Variants in CLPX observed in about 807,000 individuals in gnomAD.
CLPX encodes the protein ATP-dependent clpX-like chaperone, mitochondrial.
In CLPX, 34 loss-of-function variants were observed where a neutral mutation model predicts 76.4. The ratio of observed to expected loss-of-function variants is 0.45; its 90% CI spans 0.34 to 0.59. The LOEUF is 0.59. CLPX is among the 20% of genes least tolerant of loss of function. CLPX has a pLI of 0.01. For synonymous variants in CLPX, 248 were observed against 270.9 expected (o/e 0.92, Z 0.83); for missense variants, 613 against 757.0 (o/e 0.81, Z 2.23).
rs1284409175 is a variant in CLPX, at chr15:65,168,520, T to G, written c.359-1735A>C. 2.1e-5 allele frequency among the ~76,000 whole-genome samples: 3 copies of G among 144,514 alleles called. No homozygotes were observed. In the East Asian group the frequency reaches 6.2e-4, roughly 30 times the overall value. The allele number at this position is 144,514 out of a possible 152,430, so 94.8% of individuals were successfully genotyped here. A position where few individuals can be genotyped will look rare whatever the true frequency, so the allele number is the denominator to read the frequency against. On this transcript the variant is annotated intron_variant, in intron 3 of 13. Transcript: ENST00000300107. ...AGGACAGAAAACCAAACACCGCATG[T>G]TCTCACTCATAGATGGGAACTGAAC...
At chr15:65,174,025 G>A (rs2088051471) in intron 3 of CLPX, among the ~76,000 whole-genome samples, 1 of 152,158 alleles carries the variant, frequency 6.6e-6, no homozygotes, top group Admixed American at 6.5e-5. Context: ...GCCCAGGCTG[G>A]AGTGCAGTGG....
At chr15:65,158,136 G>A in intron 7 of CLPX, 1 of 398,392 alleles carries the variant, frequency 2.5e-6, no homozygotes, top group Non-Finnish European at 4.4e-6. Context: ...GGGCTTAAGT[G>A]ATCCTCCTGC....
intron 3 of CLPX, among the ~76,000 whole-genome samples, chr15:65,178,575 T>C (rs2088119965): frequency 6.6e-6 from 1 of 152,160 alleles, no homozygotes; most frequent in South Asian, 2.1e-4. Flanking sequence ...TATATATATT[T>C]CTTTTTTTTG....
intron 11 of CLPX, 137 bp downstream of exon 11, chr15:65,154,645 T>C: frequency 1.5e-6 from 1 of 647,340 alleles, no homozygotes; most frequent in Middle Eastern, 4.2e-4. Context: ...CTTCCTTGAT[T>C]CCTAGATCCA....
At position 65,161,379 on chromosome 15, in the gene CLPX, T is replaced by A. The variant is rs140549079; in HGVS notation, c.715+1225A>T. Among the ~76,000 whole-genome samples the A allele has an allele frequency of 5.7e-3, 872 of 152,316 alleles. 5 individuals carry two copies. Among genetic ancestry groups the A allele is most frequent in the Middle Eastern group, 0.014 (4 of 294 alleles). ...TTGGTCTAAAACCCTAGACCAGTGTTAGGGTCTAACACCCCCAGCCAGTGT... is the reference window on the plus strand; with the variant it reads ...TTGGTCTAAAACCCTAGACCAGTGTAAGGGTCTAACACCCCCAGCCAGTGT... On this transcript the variant is annotated intron_variant, in intron 6 of 13. Coordinates refer to ENST00000300107, the MANE Select transcript of CLPX (RefSeq NM_006660.5).
chr15:65,158,745 AGC>A lies in CLPX; in HGVS notation c.720_721del (p.Leu240PhefsTer7). 1.3e-6 allele frequency: 2 copies of A among 1,572,500 alleles called. No homozygotes were observed. The highest frequency in any genetic ancestry group is 1.9e-5 in the Admixed American group (1 of 53,202). ...ATGTGGGCTAATTCCAGCAATCTGA[AGC>A]AATTCTGAAAAAAATGCCAAAGGAA... On this transcript the variant is annotated frameshift_variant, in exon 7 of 14. Coordinates refer to ENST00000300107, the MANE Select transcript of CLPX (RefSeq NM_006660.5). LOFTEE classifies it high-confidence loss of function.
At chr15:65,168,383 C>CAGA (rs2087948890) in intron 3 of CLPX, among the ~76,000 whole-genome samples, 1 of 35,666 alleles carries the variant, frequency 2.8e-5, no homozygotes. Context: ...GACTCTGTCT[C>CAGA]AAAAAAAAAA....
intron 4 of CLPX, among the ~76,000 whole-genome samples, chr15:65,166,056 T>TG (rs2087908279): frequency 5.3e-5 from 8 of 152,154 alleles, no homozygotes; most frequent in Admixed American, 5.2e-4. Context: ...ATGGAGCTGG[T>TG]GGTACATTCT....
intron 5 of CLPX, 24 bp from the exon 6 acceptor site, chr15:65,162,669 AC>A: frequency 6.9e-7 from 1 of 1,442,658 alleles, no homozygotes; most frequent in Non-Finnish European, 9.7e-7. Context: ...TGAAAATATT[AC>A]ATATTTGTTT....
Position 65,163,950 on chromosome 15 carries a change from G to A in CLPX, c.673+79C>T. 4.6e-6 allele frequency: 6 copies of A among 1,304,608 alleles called. No individual in the cohort carries two copies. The South Asian group carries it at 6.4e-5, about 14-fold the overall frequency. 80.8% of individuals were successfully genotyped at this position (1,304,608 alleles called of 1,614,324 possible). ...CCACACTATATAAAAAACATTTTAA[G>A]AAGAAAGTGAGGAGTTACAAATAAA... On this transcript the variant is annotated intron_variant, in intron 5 of 13. Coordinates refer to ENST00000300107, the MANE Select transcript of CLPX (RefSeq NM_006660.5).
intron 3 of CLPX, among the ~76,000 whole-genome samples, chr15:65,172,745 C>A (rs1244439467): frequency 6.6e-6 from 1 of 152,132 alleles, no homozygotes; most frequent in Non-Finnish European, 1.5e-5. Context: ...TAGGGAAATG[C>A]AAATCAAAAC....
At chr15:65,156,733 G>A (rs148867817) in intron 9 of CLPX, 111 bp downstream of exon 9, 8 of 615,634 alleles carry the variant, frequency 1.3e-5, no homozygotes, top group African/African-American at 7.4e-5. Context: ...GTTTGGGGGC[G>A]GAAGAAATAA....
intron 3 of CLPX, among the ~76,000 whole-genome samples, chr15:65,175,781 A>C (rs562431504): frequency 6.6e-6 from 1 of 152,276 alleles, no homozygotes; most frequent in African/African-American, 2.4e-5. Context: ...AGATCAAATA[A>C]AACTCTCTTT....
At chr15:65,175,672 GAGCATTTCCTTTA>G (rs1378598369) in intron 3 of CLPX, among the ~76,000 whole-genome samples, 7 of 152,052 alleles carry the variant, frequency 4.6e-5, no homozygotes, top group Non-Finnish European at 8.8e-5. Flanking sequence ...TGCTCCAATG[GAGCATTTCCTTTA>G]AGCGTCATGA....
At chr15:65,166,891 TAG>T in intron 3 of CLPX, 106 bp from the exon 4 acceptor site, 1 of 1,099,718 alleles carries the variant, frequency 9.1e-7, no homozygotes, top group Non-Finnish European at 1.3e-6. Context: ...TGACAAAAAG[TAG>T]ACTTGCTGTT....
chr15:65,163,922 A>C, intron 5 of CLPX, 107 bp downstream of exon 5: 2 of 1,074,032 alleles, frequency 1.9e-6, no homozygotes, highest in South Asian at 2.8e-5. Flanking sequence ...ACTTTGAAAA[A>C]TGCCACACTA....
Position 65,185,301 on chromosome 15 carries a change from C to T in CLPX, c.-148G>A. 1.6e-6 allele frequency: 1 copy of T among 624,672 alleles called. No individual in the cohort carries two copies. The highest frequency in any genetic ancestry group is 2.9e-5 in the Admixed American group (1 of 34,552). 38.7% of individuals were successfully genotyped at this position (624,672 alleles called of 1,614,324 possible). Reference sequence around the variant, plus strand: ...AGAGTTCACCTGCCCGGCAGCCAGGCCTTCACGCTTCTCTGCCCCACAGCC... The same window carrying T: ...AGAGTTCACCTGCCCGGCAGCCAGGTCTTCACGCTTCTCTGCCCCACAGCC... On this transcript the variant is annotated 5_prime_UTR_variant, in exon 1 of 14. Coordinates refer to ENST00000300107, the MANE Select transcript of CLPX (RefSeq NM_006660.5).
Position 65,185,301 on chromosome 15 carries a change from CCTTCA to C in CLPX, c.-153_-149del. ...AGAGTTCACCTGCCCGGCAGCCAGGCCTTCACGCTTCTCTGCCCCACAGCCGTCTA... is the reference window on the plus strand; with the variant it reads ...AGAGTTCACCTGCCCGGCAGCCAGGCCGCTTCTCTGCCCCACAGCCGTCTA... On this transcript the variant is annotated 5_prime_UTR_variant, in exon 1 of 14. Coordinates refer to ENST00000300107, the MANE Select transcript of CLPX (RefSeq NM_006660.5). 1.6e-6 allele frequency: 1 copy of C among 624,672 alleles called. No individual in the cohort carries two copies. The highest frequency in any genetic ancestry group is 2.8e-6 in the Non-Finnish European group (1 of 354,408). The allele number at this position is 624,672 out of a possible 1,614,324, so 38.7% of individuals were successfully genotyped here.
chr15:65,168,862 C>CT (rs879531675), intron 3 of CLPX, among the ~76,000 whole-genome samples: 250 of 144,266 alleles, frequency 1.7e-3, no homozygotes, highest in African/African-American at 3.7e-3. Context: ...TTTCTTTTCT[C>CT]TTTTTTTTTT....
Sources: allele counts gnomAD v4.1 joint callset (sites outside exome capture counted in the v4.1 genomes callset), GRCh38; gene constraint gnomAD v4.1.1; transcripts MANE v1.5; gene names NCBI Gene and HGNC (gene_info 2026-07-23, HGNC 2026-07-21).